TBC1D30: variants seen among roughly 807,000 people sequenced by gnomAD.
TBC1D30 encodes the protein TBC1 domain family member 30.
Under a neutral mutation model 63.2 loss-of-function variants are expected in TBC1D30, and 31 were observed. The ratio of observed to expected loss-of-function variants is 0.49; its 90% CI spans 0.37 to 0.66. TBC1D30 has a LOEUF of 0.66. Among genes scored for constraint, TBC1D30 ranks in the 30% least tolerant of loss-of-function variants. The pLI, the probability that TBC1D30 is intolerant of heterozygous loss-of-function variation, is 0.00. For missense variants in TBC1D30, 810 were observed against 953.6 expected (o/e 0.85, Z 1.98); for synonymous variants, 307 against 361.5 (o/e 0.85, Z 1.71).
intron 2 of TBC1D30, among the ~76,000 whole-genome samples, chr12:64,787,154 A>C (rs575951003): frequency 3.9e-5 from 6 of 152,320 alleles, no homozygotes; most frequent in African/African-American, 1.4e-4. Flanking sequence ...AATGTAACCT[A>C]TCTCTTGCAT....
At chr12:64,873,518 C>T (rs1035764750) in intron 11 of TBC1D30, among the ~76,000 whole-genome samples, 3 of 152,010 alleles carry the variant, frequency 2.0e-5, no homozygotes, top group Non-Finnish European at 4.4e-5. Flanking sequence ...AGCCATGCAT[C>T]TGGCAGGGTA....
chr12:64,863,835 A>G (rs911641073), intron 8 of TBC1D30, among the ~76,000 whole-genome samples: 1 of 152,376 alleles, frequency 6.6e-6, no homozygotes. Context: ...ATATTTTCCT[A>G]GGAAAGCATT....
At position 64,875,838 on chromosome 12, in the gene TBC1D30, G is replaced by A. The variant is rs1357993087; in HGVS notation, c.*50G>A. 2 of 1,458,290 alleles carry A rather than the reference G, an allele frequency of 1.4e-6. No individual in the cohort carries two copies. The highest frequency in any genetic ancestry group is 1.8e-6 in the Non-Finnish European group (2 of 1,108,356). The allele number at this position is 1,458,290 out of a possible 1,614,324, so 90.3% of individuals were successfully genotyped here. A position where few individuals can be genotyped will look rare whatever the true frequency, so the allele number is the denominator to read the frequency against. ...GACTCACCTTTTCACAGTAGTATAA[G>A]GGTTGCAGCTGAATGGCTCTAAAAG... On this transcript the variant is annotated 3_prime_UTR_variant, in exon 12 of 12. Coordinates refer to ENST00000539867, the MANE Select transcript of TBC1D30 (RefSeq NM_015279.2).
chr12:64,801,050 T>C (rs930946942), intron 2 of TBC1D30, among the ~76,000 whole-genome samples: 2 of 152,182 alleles, frequency 1.3e-5, no homozygotes, highest in Admixed American at 6.5e-5. Context: ...TTTGTTAGAA[T>C]TGATGAATTT....
intron 5 of TBC1D30, among the ~76,000 whole-genome samples, chr12:64,834,651 C>T (rs1158688378): frequency 6.6e-6 from 1 of 151,076 alleles, no homozygotes; most frequent in Non-Finnish European, 1.5e-5. Context: ...TCAGGTGATC[C>T]TCCTGCCTCA....
At chr12:64,794,259 A>G (rs1034113348) in intron 2 of TBC1D30, among the ~76,000 whole-genome samples, 1 of 152,146 alleles carries the variant, frequency 6.6e-6, no homozygotes, top group South Asian at 2.1e-4. Context: ...GTTTTCACTC[A>G]GGTCATTGTC....
Position 64,827,816 on chromosome 12 carries a change from T to G in TBC1D30, c.155-19T>G. 1 of 1,492,406 alleles carries G rather than the reference T, an allele frequency of 6.7e-7. No individual in the cohort carries two copies. The highest frequency in any genetic ancestry group is 1.4e-5 in the African/African-American group (1 of 72,228). The allele number at this position is 1,492,406 out of a possible 1,614,324, so 92.4% of individuals were successfully genotyped here. A position where few individuals can be genotyped will look rare whatever the true frequency, so the allele number is the denominator to read the frequency against. ...TATAGTCTCCAAAAATAACATCTAT[T>G]TATGTATTTTTCTTTCAGGAGTTGA... On this transcript the variant is annotated intron_variant, in intron 1 of 11. Coordinates refer to ENST00000539867, the MANE Select transcript of TBC1D30 (RefSeq NM_015279.2).
intron 2 of TBC1D30, among the ~76,000 whole-genome samples, chr12:64,819,406 CTTTTTTTT>C (rs55757950): frequency 2.0e-3 from 156 of 78,030 alleles, no homozygotes; most frequent in African/African-American, 4.8e-3. Flanking sequence ...GAAGGAACTA[CTTTTTTTT>C]TTTTTTTTTT....
chr12:64,781,042 G>C lies in TBC1D30; in HGVS notation c.234G>C (p.Thr78=), dbSNP rs370768342. Reference sequence around the variant, plus strand: ...CGTGCGGCGGCCGCACAAGCCGCACGGCGTCCCTGGTGAGCGGGCTGCTCA... The same window carrying C: ...CGTGCGGCGGCCGCACAAGCCGCACCGCGTCCCTGGTGAGCGGGCTGCTCA... Residue 78 remains threonine, a synonymous_variant, in exon 1 of 13, where the codon ACG becomes ACC. Coordinates refer to the TBC1D30 transcript ENST00000542120. 146 of 1,022,502 alleles carry C rather than the reference G, an allele frequency of 1.4e-4. 1 individual carries two copies. The East Asian group carries it at 0.014, about 98-fold the overall frequency. 63.3% of individuals were successfully genotyped at this position (1,022,502 alleles called of 1,614,324 possible). A position where few individuals can be genotyped will look rare whatever the true frequency, so the allele number is the denominator to read the frequency against.
At chr12:64,837,508 C>A (rs969676732) in intron 6 of TBC1D30, among the ~76,000 whole-genome samples, 16 of 151,870 alleles carry the variant, frequency 1.1e-4, no homozygotes, top group African/African-American at 3.6e-4. Context: ...CTCACGTGCA[C>A]CGTTCACAAT....
chr12:64,860,638 G>A (rs1877710448), intron 8 of TBC1D30, among the ~76,000 whole-genome samples: 1 of 152,198 alleles, frequency 6.6e-6, no homozygotes, highest in Non-Finnish European at 1.5e-5. Context: ...ATCCAGGAGT[G>A]TATGAAAATG....
In TBC1D30 at chr12:64,875,203, T is replaced by A. The variant is rs1268038538; in HGVS notation, c.1701T>A (p.Thr567=). Residue 567 remains threonine, a synonymous_variant, in exon 12 of 12, where the codon ACT becomes ACA. Transcript: ENST00000539867. ...LKTKLNSPWR[T]HIRVHKKNMP... is the part of the protein sequence containing the mutation. The stretch of plus-strand genomic sequence containing the variant: ...CGAAGCTCAACTCCCCGTGGCGAAC[T>A]CACATCCGAGTCCACAAAAAGAACA... 6.5e-7 allele frequency: 1 copy of A among 1,536,210 alleles called. No homozygotes were observed. Among genetic ancestry groups the A allele is most frequent in the Admixed American group, 2.0e-5 (1 of 50,984 alleles).
intron 11 of TBC1D30, among the ~76,000 whole-genome samples, 180 bp from the exon 12 acceptor site, chr12:64,874,821 A>C (rs2136487877): frequency 6.6e-6 from 1 of 152,208 alleles, no homozygotes; most frequent in Non-Finnish European, 1.5e-5. Flanking sequence ...TTGGTATTCC[A>C]GGCTCTTCGG....
chr12:64,848,888 C>G (rs569516797), intron 8 of TBC1D30, among the ~76,000 whole-genome samples: 13 of 152,346 alleles, frequency 8.5e-5, no homozygotes, highest in Admixed American at 8.5e-4. Flanking sequence ...TACACTCCCA[C>G]CAACAGTGTA....
chr12:64,866,896 A>C lies in TBC1D30; in HGVS notation c.1284A>C (p.Gln428His), dbSNP rs1465966724. 5 of 1,536,046 alleles carry C rather than the reference A, an allele frequency of 3.3e-6. No individual in the cohort carries two copies. The highest frequency in any genetic ancestry group is 2.4e-5 in the South Asian group (2 of 84,030). The change falls in exon 10 of 12, where the codon CAA becomes CAC. Residue 428 changes from glutamine (Q) to histidine (H), a missense_variant. This residue lies in a region of TBC1D30 where 450 missense variants were observed against 473.0 expected (regional missense o/e 0.95). Transcript: ENST00000539867. ...LAPELQKYQK[Q>H]IKEPNEEQSL... Reference sequence around the variant, plus strand: ...CTGAACTGCAGAAGTACCAAAAACAAATTAAAGGTAAAGAGGTGGCTCTTG... The same window carrying C: ...CTGAACTGCAGAAGTACCAAAAACACATTAAAGGTAAAGAGGTGGCTCTTG...
At chr12:64,816,253 G>A (rs573901988) in intron 2 of TBC1D30, among the ~76,000 whole-genome samples, 3 of 152,134 alleles carry the variant, frequency 2.0e-5, no homozygotes, top group South Asian at 4.2e-4. Flanking sequence ...GGCTGGTCTC[G>A]AATTCCTGAC....
In TBC1D30 at chr12:64,876,986, A is replaced by G. The variant is rs930302687; in HGVS notation, c.*1198A>G. On this transcript the variant is annotated 3_prime_UTR_variant, in exon 12 of 12. Transcript: ENST00000539867. ...ACTTAGCCACATTTCCTTCAGTGCAATAGGTGGGTTTAATGCTCTTTGTAC... is the reference window on the plus strand; with the variant it reads ...ACTTAGCCACATTTCCTTCAGTGCAGTAGGTGGGTTTAATGCTCTTTGTAC... The G allele has an allele frequency of 3.8e-5, 17 of 451,328 alleles. No homozygotes were observed. Among genetic ancestry groups the G allele is most frequent in the African/African-American group, 3.4e-4 (17 of 50,118 alleles). The allele number at this position is 451,328 out of a possible 1,614,324, so 28.0% of individuals were successfully genotyped here. A position where few individuals can be genotyped will look rare whatever the true frequency, so the allele number is the denominator to read the frequency against.
intron 7 of TBC1D30, among the ~76,000 whole-genome samples, chr12:64,840,004 C>CAAAAAAAAAAAAAAAAAAAAAAAAAAA (rs60440376): frequency 1.0e-4 from 10 of 98,320 alleles, no homozygotes; most frequent in African/African-American, 4.1e-4. Flanking sequence ...GACTCTGTCT[C>CAAAAAAAAAAAAAAAAAAAAAAAAAAA]AAAAAAAAAA....
At chr12:64,826,357 G>A (rs547178303) in intron 1 of TBC1D30, among the ~76,000 whole-genome samples, 43 of 152,306 alleles carry the variant, frequency 2.8e-4, no homozygotes, top group Non-Finnish European at 5.9e-4. Context: ...TCGGCATGAT[G>A]CCCAGCAGGT....
Sources: gnomAD v4.1 joint callset for allele counts (sites outside exome capture counted in the v4.1 genomes callset) on GRCh38, gnomAD v4.1.1 for gene constraint, gnomAD v4.1.1 regional missense constraint, MANE v1.5 for transcripts, NCBI Gene and HGNC (gene_info 2026-07-23, HGNC 2026-07-21) for gene names.